The following UAP1L1 variants were observed in gnomAD, a reference collection of about 807,000 sequenced individuals.
UAP1L1 encodes UDP-N-acetylhexosamine pyrophosphorylase-like protein 1.
In UAP1L1, 45 loss-of-function variants were observed where a neutral mutation model predicts 45.3. That is an observed-to-expected ratio of 0.99 (90% CI 0.78 to 1.27). The LOEUF (loss-of-function observed/expected upper bound fraction) is 1.27. Ranked by LOEUF, UAP1L1 falls within the 50% of genes most tolerant of loss-of-function variation. The pLI, the probability that UAP1L1 is intolerant of heterozygous loss-of-function variation, is 0.00. For synonymous variants in UAP1L1, 323 were observed against 303.9 expected, an observed-to-expected ratio of 1.06 and a Z score of -0.65; for missense variants, 667 against 694.0, an observed-to-expected ratio of 0.96 and a Z score of 0.44.
In UAP1L1 at chr9:137,080,040, A is replaced by C; in HGVS notation, c.1076A>C (p.Lys359Thr). 1 of 1,614,110 alleles carries C rather than the reference A, an allele frequency of 6.2e-7. No homozygotes were observed. Among genetic ancestry groups the C allele is most frequent in the Non-Finnish European group, 8.5e-7 (1 of 1,179,974 alleles). Residue 359 changes from lysine (K) to threonine (T), a missense_variant, in exon 6 of 9, where the codon AAG (lysine) becomes ACG (threonine). Coordinates refer to ENST00000409858, the MANE Select transcript of UAP1L1 (RefSeq NM_207309.3). ...EPLLKPHVAV[K>T]KVPYVDEEGN... is the part of the protein sequence containing the mutation. ...TTGCTGAAGCCACACGTGGCTGTGA[A>C]GAAGGTCCCGTATGTGGATGAGGAG... is the stretch of plus-strand genomic sequence containing the variant.
At position 137,078,965 on chromosome 9, in the gene UAP1L1, T is replaced by C; in HGVS notation, c.671-11T>C. 7 of 1,579,278 alleles carry C rather than the reference T, an allele frequency of 4.4e-6. No individual in the cohort carries two copies. Among genetic ancestry groups the C allele is most frequent in the Non-Finnish European group, 6.0e-6 (7 of 1,168,422 alleles). On this transcript the variant is annotated splice_polypyrimidine_tract_variant and intron_variant, in intron 3 of 8. Coordinates refer to ENST00000409858, the MANE Select transcript of UAP1L1 (RefSeq NM_207309.3). ...AGCCCTCGCGATGCCCATTCCCTTC[T>C]CCGTCTGCAGACGGCAACGGGGGCC...
chr9:137,082,711 G>A lies in UAP1L1; in HGVS notation c.1506G>A (p.Pro502=), dbSNP rs551982003. ...LILDEDQARE[P]QLQES is the part of the protein sequence containing the mutation. ...TGGATGAAGACCAGGCCAGGGAGCCGCAGCTGCAGGAGTCCTGACCCGCCC... is the reference window on the plus strand; with the variant it reads ...TGGATGAAGACCAGGCCAGGGAGCCACAGCTGCAGGAGTCCTGACCCGCCC... Residue 502 remains proline (P), a synonymous_variant, in exon 9 of 9, where the codon CCG becomes CCA. Transcript: ENST00000409858. This position sits in a 1 kb window ranked among gnomAD's most constrained non-coding sequence, Gnocchi z 5.7. 39 of 1,550,334 alleles carry A rather than the reference G, an allele frequency of 2.5e-5. No individual in the cohort carries two copies. In the East Asian group the frequency reaches 2.7e-4, roughly 11 times the overall value.
At chr9:137,080,390 C>A in intron 6 of UAP1L1, 1 of 593,468 alleles carries the variant, frequency 1.7e-6, no homozygotes, top group East Asian at 2.9e-5. Context: ...CTTCCACTGC[C>A]CCCACCCATG....
intron 2 of UAP1L1, 55 bp from the exon 3 acceptor site, chr9:137,078,447 G>GC (rs748056493): frequency 2.9e-5 from 47 of 1,610,668 alleles, no homozygotes; most frequent in Non-Finnish European, 3.7e-5. Flanking sequence ...TCCGAGCCCC[G>GC]TCTGCCTGCA....
rs931940232 is a variant in UAP1L1, at chr9:137,082,530, A to G, written c.1432-107A>G. ...TCTGTCCCCACCCCTCCCTGACTCC[A>G]GGCAGACCTGGGATCGCACCTGGGG... On this transcript the variant is annotated intron_variant, in intron 8 of 8. Coordinates refer to ENST00000409858, the MANE Select transcript of UAP1L1 (RefSeq NM_207309.3). This position sits in a 1 kb window ranked among gnomAD's most constrained non-coding sequence, Gnocchi z 5.7. The G allele has an allele frequency of 1.1e-6, 1 of 924,232 alleles. No homozygotes were observed. Among genetic ancestry groups the G allele is most frequent in the Non-Finnish European group, 1.7e-6 (1 of 595,242 alleles). 57.3% of individuals were successfully genotyped at this position (924,232 alleles called of 1,614,324 possible).
In UAP1L1 at chr9:137,082,790, C is replaced by G; in HGVS notation, c.*61C>G. On this transcript the variant is annotated 3_prime_UTR_variant, in exon 9 of 9. Transcript: ENST00000409858. This position sits in a 1 kb window ranked among gnomAD's most constrained non-coding sequence, Gnocchi z 5.7. The stretch of plus-strand genomic sequence containing the variant: ...GCCAGCCCCGGCATCCTGGAAGTCC[C>G]GACTCCCCCCAGACCTGCCAGCCCC... The G allele has an allele frequency of 7.2e-7, 1 of 1,391,138 alleles. No individual in the cohort carries two copies. Among genetic ancestry groups the G allele is most frequent in the Non-Finnish European group, 9.8e-7 (1 of 1,015,924 alleles). The allele number at this position is 1,391,138 out of a possible 1,614,324, so 86.2% of individuals were successfully genotyped here. A position where few individuals can be genotyped will look rare whatever the true frequency, so the allele number is the denominator to read the frequency against.
At position 137,082,101 on chromosome 9, in the gene UAP1L1, T is replaced by C. The variant is rs201606060; in HGVS notation, c.1431+37T>C. Reference sequence around the variant, plus strand: ...CCATCCCTATCTGGGGCTTTTCTGGTGTCAGGTTTGGAATACCATCTGGGG... The same window carrying C: ...CCATCCCTATCTGGGGCTTTTCTGGCGTCAGGTTTGGAATACCATCTGGGG... On this transcript the variant is annotated intron_variant, in intron 8 of 8. Transcript: ENST00000409858. This position sits in a 1 kb window ranked among gnomAD's most constrained non-coding sequence, Gnocchi z 5.7. 1 of 1,606,938 alleles carries C rather than the reference T, an allele frequency of 6.2e-7. No individual in the cohort carries two copies. The highest frequency in any genetic ancestry group is 2.2e-5 in the East Asian group (1 of 44,840).
Position 137,080,095 on chromosome 9 carries a change from C to T in UAP1L1, c.1131C>T (p.Asn377=), listed in dbSNP as rs368003866. The change falls in exon 6 of 9, where the codon AAC becomes AAT. Residue 377 remains asparagine (N), a synonymous_variant. Transcript: ENST00000409858. ...EGNLVKPLKP[N]GIKMEKFVFD... is the part of the protein sequence containing the mutation. ...ATCTGGTAAAGCCGCTAAAACCGAA[C>T]GGGATAAAGATGGAGAAGTTTGTGT... 1.6e-5 allele frequency: 26 copies of T among 1,614,052 alleles called. No homozygotes were observed. The highest frequency in any genetic ancestry group is 6.7e-5 in the East Asian group (3 of 44,904).
rs1217704243 is a variant in UAP1L1, at chr9:137,078,658, C to A, written c.651C>A (p.Asp217Glu). 6.2e-7 allele frequency: 1 copy of A among 1,612,440 alleles called. No individual in the cohort carries two copies. The highest frequency in any genetic ancestry group is 8.5e-7 in the Non-Finnish European group (1 of 1,179,620). The change falls in exon 3 of 9, where the codon GAC becomes GAA. Residue 217 changes from aspartate (D) to glutamate (E), a missense_variant. Transcript: ENST00000409858. Reference sequence around the variant, plus strand: ...GCAAGGTTATCCTGGAGCGGAAAGACAAAGTTGCCATGGCCCCAGGTGTGG... The same window carrying A: ...GCAAGGTTATCCTGGAGCGGAAAGAAAAAGTTGCCATGGCCCCAGGTGTGG... The part of the protein sequence containing the change: ...FDGKVILERK[D>E]KVAMAPDGNG...
intron 4 of UAP1L1, 39 bp downstream of exon 4, chr9:137,079,187 G>T (rs913457660): frequency 2.7e-5 from 43 of 1,591,038 alleles, no homozygotes; most frequent in Non-Finnish European, 3.4e-5. Flanking sequence ...ACCCGAGGCT[G>T]GCCCCGCCCC....
Position 137,078,525 on chromosome 9 carries a change from C to T in UAP1L1, c.518C>T (p.Thr173Ile). The part of the protein sequence containing the change: ...VPWYVMTSEF[T>I]LGPTAEFFRE... ...AGGTACGTCATGACCAGCGAGTTCACTCTGGGGCCCACGGCCGAGTTCTTC... is the reference window on the plus strand; with the variant it reads ...AGGTACGTCATGACCAGCGAGTTCATTCTGGGGCCCACGGCCGAGTTCTTC... Residue 173 changes from threonine (T) to isoleucine (I), a missense_variant, in exon 3 of 9, where the codon ACT becomes ATT. Transcript: ENST00000409858. 6.2e-7 allele frequency: 1 copy of T among 1,613,152 alleles called. No homozygotes were observed. The highest frequency in any genetic ancestry group is 2.2e-5 in the East Asian group (1 of 44,888).
In UAP1L1 at chr9:137,078,186, G is replaced by T; in HGVS notation, c.426G>T (p.Gln142His). Residue 142 changes from glutamine (Q) to histidine (H), a missense_variant, in exon 2 of 9, where the codon CAG becomes CAT. Transcript: ENST00000409858. ...LPSRKTLYQL[Q>H]AERIRRVEQL... ...GCCGGAAGACCCTGTACCAGCTGCA[G>T]GCGGAGCGGATTCGGCGGGTGGAGC... 6.5e-7 allele frequency: 1 copy of T among 1,549,916 alleles called. No homozygotes were observed. The highest frequency in any genetic ancestry group is 8.7e-7 in the Non-Finnish European group (1 of 1,146,790).
In UAP1L1 at chr9:137,080,683, C is replaced by T. The variant is rs371655229; in HGVS notation, c.1179-6C>T. On this transcript the variant is annotated splice_polypyrimidine_tract_variant and splice_region_variant and intron_variant, in intron 6 of 8. Coordinates refer to ENST00000409858, the MANE Select transcript of UAP1L1 (RefSeq NM_207309.3). ...GGACGTGGGTGACTAGCCCTTTCCC[C>T]ACCAGGAACTTTGCTGCCTTGGAAG... is the stretch of plus-strand genomic sequence containing the variant. 5 of 1,606,906 alleles carry T rather than the reference C, an allele frequency of 3.1e-6. No homozygotes were observed. The South Asian group carries it at 3.3e-5, about 11-fold the overall frequency.
chr9:137,079,757 C>G, intron 5 of UAP1L1: 1 of 603,918 alleles, frequency 1.7e-6, no homozygotes, highest in Non-Finnish European at 2.9e-6. Flanking sequence ...CTGGGGCTTG[C>G]CAGTTTGTTT....
At position 137,077,831 on chromosome 9, in the gene UAP1L1, G is replaced by A. The variant is rs1186690561; in HGVS notation, c.289+10G>A. 7.0e-7 allele frequency: 1 copy of A among 1,420,598 alleles called. No individual in the cohort carries two copies. The highest frequency in any genetic ancestry group is 9.2e-7 in the Non-Finnish European group (1 of 1,092,588). 88.0% of individuals were successfully genotyped at this position (1,420,598 alleles called of 1,614,324 possible). ...CGCTGGGAGGAGGAAGGTAAGCGGG[G>A]TGGGAGGCCCTGGGGGCCGGCAGGG... On this transcript the variant is annotated intron_variant, in intron 1 of 8. Transcript: ENST00000409858. This position sits in a 1 kb window ranked among gnomAD's most constrained non-coding sequence, Gnocchi z 4.7.
intron 6 of UAP1L1, chr9:137,080,365 T>G (rs972439242): frequency 5.1e-5 from 31 of 612,734 alleles, no homozygotes; most frequent in Non-Finnish European, 8.2e-5. Flanking sequence ...AGGACAGTAG[T>G]GCCACCTCCC....
Position 137,078,967 on chromosome 9 carries a change from C to T in UAP1L1, c.671-9C>T. 1.9e-6 allele frequency: 3 copies of T among 1,580,640 alleles called. No individual in the cohort carries two copies. The highest frequency in any genetic ancestry group is 2.6e-6 in the Non-Finnish European group (3 of 1,169,066). ...CCCTCGCGATGCCCATTCCCTTCTC[C>T]GTCTGCAGACGGCAACGGGGGCCTC... On this transcript the variant is annotated splice_polypyrimidine_tract_variant and intron_variant, in intron 3 of 8. Transcript: ENST00000409858.
At chr9:137,080,249 C>A in intron 6 of UAP1L1, 107 bp downstream of exon 6, 1 of 1,451,802 alleles carries the variant, frequency 6.9e-7, no homozygotes, top group Non-Finnish European at 9.5e-7. Context: ...GAGCCAAGGG[C>A]CCCGCGGGCA....
At chr9:137,079,618 C>T (rs563585222) in intron 5 of UAP1L1, 169 bp downstream of exon 5, 3 of 650,298 alleles carry the variant, frequency 4.6e-6, no homozygotes. Context: ...CCTGAGCTTG[C>T]AAAGGCAGAG....
Sources: gnomAD v4.1 joint callset for allele counts on GRCh38, gnomAD v4.1.1 for gene constraint, Gnocchi (gnomAD v3.1) non-coding constraint, MANE v1.5 for transcripts, NCBI Gene and HGNC (gene_info 2026-07-23, HGNC 2026-07-21) for gene names.